Variants in CTNNA3 observed in about 807,000 individuals in gnomAD.
CTNNA3 encodes the protein catenin alpha-3.
In CTNNA3, 76 loss-of-function variants were observed where a neutral mutation model predicts 95.7. That is an observed-to-expected ratio of 0.79 (90% CI 0.66 to 0.96). The LOEUF (loss-of-function observed/expected upper bound fraction) is 0.96. Ranked by LOEUF, CTNNA3 falls within the 40% of genes least tolerant of loss-of-function variation. The probability of loss-of-function intolerance (pLI) is 0.00; values close to 1 mark genes in which losing one functional copy is unlikely to be tolerated. For synonymous variants in CTNNA3, 431 were observed against 374.4 expected, an observed-to-expected ratio of 1.15 and a Z score of -1.74; for missense variants, 1,191 against 1,089.8, an observed-to-expected ratio of 1.09 and a Z score of -1.31.
intron 1 of CTNNA3, among the ~76,000 whole-genome samples, chr10:67,726,639 A>AATATATACTATAATATATTATATATT (rs1841229419): frequency 5.6e-4 from 1 of 1,780 alleles, no homozygotes. Flanking sequence ...TATTATATAT[A>AATATATACTATAATATATTATATATT]ATATATACTA....
chr10:66,779,024 A>G (rs1840424151), intron 7 of CTNNA3, among the ~76,000 whole-genome samples: 1 of 152,128 alleles, frequency 6.6e-6, no homozygotes. Context: ...AATAAGAAAT[A>G]GACAACCAAA....
chr10:66,071,518 G>A (rs112553811), intron 14 of CTNNA3, among the ~76,000 whole-genome samples: 79 of 152,228 alleles, frequency 5.2e-4, no homozygotes, highest in African/African-American at 1.9e-3. Flanking sequence ...GAATCAGGAT[G>A]TAAATCAGAA....
intron 11 of CTNNA3, among the ~76,000 whole-genome samples, chr10:66,474,383 A>AT: frequency 6.6e-6 from 1 of 152,094 alleles, no homozygotes; most frequent in South Asian, 2.1e-4. Context: ...ACAATATTTC[A>AT]TTTTTTGAAT....
At chr10:66,255,583 T>C (rs2090736687) in intron 13 of CTNNA3, among the ~76,000 whole-genome samples, 1 of 152,134 alleles carries the variant, frequency 6.6e-6, no homozygotes, top group Admixed American at 6.5e-5. Flanking sequence ...CTCCTCATCC[T>C]GCTCCCACTT....
chr10:67,531,995 T>C (rs539432373), intron 4 of CTNNA3, among the ~76,000 whole-genome samples: 35 of 152,180 alleles, frequency 2.3e-4, no homozygotes, highest in African/African-American at 8.4e-4. Context: ...CCTCCTTGCC[T>C]TCTGCCATGA....
chr10:65,944,145 T>C (rs1304933060), intron 17 of CTNNA3, among the ~76,000 whole-genome samples: 1 of 152,254 alleles, frequency 6.6e-6, no homozygotes, highest in African/African-American at 2.4e-5. Context: ...AGTCCTCTTG[T>C]ATGAATTAGC....
intron 1 of CTNNA3, among the ~76,000 whole-genome samples, chr10:67,762,916 C>T (rs1302643088): frequency 6.6e-6 from 1 of 152,090 alleles, no homozygotes; most frequent in African/African-American, 2.4e-5. Context: ...TGATCACGAC[C>T]CTCTCACGCG....
intron 5 of CTNNA3, among the ~76,000 whole-genome samples, chr10:67,336,037 A>T (rs1304090198): frequency 6.6e-6 from 1 of 152,074 alleles, no homozygotes; most frequent in African/African-American, 2.4e-5. Context: ...TATCTGTTAC[A>T]ATGATCTGTG....
At chr10:67,341,357 C>G (rs1842181815) in intron 5 of CTNNA3, among the ~76,000 whole-genome samples, 1 of 152,116 alleles carries the variant, frequency 6.6e-6, no homozygotes, top group African/African-American at 2.4e-5. Context: ...CTACACTTCC[C>G]AGCCTCTGGT....
intron 1 of CTNNA3, among the ~76,000 whole-genome samples, chr10:67,732,248 T>G (rs772916174): frequency 6.6e-6 from 1 of 152,128 alleles, no homozygotes; most frequent in Non-Finnish European, 1.5e-5. Flanking sequence ...CTTGTATTTT[T>G]CAAATCAAAC....
intron 1 of CTNNA3, among the ~76,000 whole-genome samples, chr10:67,720,616 C>G (rs1222298137): frequency 6.6e-6 from 1 of 152,062 alleles, no homozygotes; most frequent in Non-Finnish European, 1.5e-5. Flanking sequence ...GCTTATGAAG[C>G]TTAGGTTGGC....
chr10:66,713,688 T>A (rs1158933744), intron 9 of CTNNA3, among the ~76,000 whole-genome samples: 1 of 152,096 alleles, frequency 6.6e-6, no homozygotes, highest in African/African-American at 2.4e-5. Flanking sequence ...ATCTTCCTCA[T>A]ACAAGCCTTG....
At chr10:67,708,967 T>G (rs1449438795) in intron 1 of CTNNA3, among the ~76,000 whole-genome samples, 1 of 151,330 alleles carries the variant, frequency 6.6e-6, no homozygotes, top group Non-Finnish European at 1.5e-5. Flanking sequence ...AAAATATATT[T>G]TATATATATC....
chr10:67,119,194 C>CT (rs899346713), intron 7 of CTNNA3, among the ~76,000 whole-genome samples: 8 of 151,866 alleles, frequency 5.3e-5, no homozygotes, highest in Non-Finnish European at 8.8e-5. Context: ...TTTTCTTTTT[C>CT]TTTTTTTGGA....
chr10:66,893,420 T>A (rs1845348539), intron 7 of CTNNA3, among the ~76,000 whole-genome samples: 1 of 151,998 alleles, frequency 6.6e-6, no homozygotes, highest in African/African-American at 2.4e-5. Context: ...TTATGTGTAA[T>A]GTCTCTAACA....
intron 1 of CTNNA3, among the ~76,000 whole-genome samples, chr10:67,731,665 G>T (rs1024297475): frequency 1.3e-5 from 2 of 151,530 alleles, no homozygotes; most frequent in Non-Finnish European, 2.9e-5. Context: ...AGCCAGTCGT[G>T]GTGGTGGGCG....
intron 11 of CTNNA3, among the ~76,000 whole-genome samples, chr10:66,483,304 C>G (rs10997171): frequency 0.062 from 9,404 of 152,028 alleles, 606 homozygotes; most frequent in African/African-American, 0.16. Context: ...ATTAAATATC[C>G]TGATTTTGAT....
At chr10:67,531,414 C>A (rs1037402277) in intron 4 of CTNNA3, among the ~76,000 whole-genome samples, 1 of 152,174 alleles carries the variant, frequency 6.6e-6, no homozygotes, top group Non-Finnish European at 1.5e-5. Flanking sequence ...GACATGGAGT[C>A]AAAGGAGATC....
chr10:67,513,416 T>C (rs1312537609), intron 5 of CTNNA3, among the ~76,000 whole-genome samples: 2 of 152,224 alleles, frequency 1.3e-5, no homozygotes, highest in African/African-American at 4.8e-5. Context: ...CCTTTCTTCT[T>C]GAGTAGGAAA....
Sources: allele counts gnomAD v4.1 joint callset (sites outside exome capture counted in the v4.1 genomes callset), GRCh38; gene constraint gnomAD v4.1.1; transcripts MANE v1.5; gene names NCBI Gene and HGNC (gene_info 2026-07-23, HGNC 2026-07-21).